C18orf63: variants seen among roughly 807,000 people sequenced by gnomAD.
C18orf63 encodes the protein chromosome 18 open reading frame 63.
Under a neutral mutation model 75.3 loss-of-function variants are expected in C18orf63, and 50 were observed. The ratio of observed to expected loss-of-function variants is 0.66; its 90% CI spans 0.53 to 0.84. C18orf63 has a LOEUF of 0.84. Ranked by LOEUF, C18orf63 falls within the 40% of genes least tolerant of loss-of-function variation. The pLI is 0.00. For missense variants in C18orf63, 732 were observed against 800.2 expected (o/e 0.91, Z 1.03); for synonymous variants, 232 against 267.6 (o/e 0.87, Z 1.30).
At chr18:74,322,197 T>C (rs138913169) in intron 3 of C18orf63, among the ~76,000 whole-genome samples, 24 of 152,358 alleles carry the variant, frequency 1.6e-4, no homozygotes, top group African/African-American at 4.8e-4. Context: ...CCGGATTGCA[T>C]GTTAACAAAT....
In C18orf63 at chr18:74,338,723, G is replaced by A. The variant is rs201160275; in HGVS notation, c.510G>A (p.Glu170=). 2,452 of 1,345,378 alleles carry A rather than the reference G, an allele frequency of 1.8e-3. 1 individual carries two copies. Among genetic ancestry groups the A allele is most frequent in the South Asian group, 6.0e-3 (336 of 56,348 alleles). The allele number at this position is 1,345,378 out of a possible 1,614,324, so 83.3% of individuals were successfully genotyped here. The change falls in exon 8 of 14, where the codon GAG becomes GAA. Residue 170 remains glutamate, a synonymous_variant. Transcript: ENST00000579455. ...TIRLPAPELK[E]FEISQSIIKD... is the part of the protein sequence containing the mutation. The stretch of plus-strand genomic sequence containing the variant: ...CTTATTTCTATTAAAAGCTAAAAGA[G>A]TTTGAGATTTCCCAGAGTATTATAA...
chr18:74,333,114 G>A (rs1984337165), intron 7 of C18orf63, among the ~76,000 whole-genome samples: 4 of 152,184 alleles, frequency 2.6e-5, no homozygotes, highest in Admixed American at 2.0e-4. Context: ...GGGATATATA[G>A]TCATGCTGTT....
intron 13 of C18orf63, among the ~76,000 whole-genome samples, chr18:74,355,210 A>G (rs1649681750): frequency 6.6e-6 from 1 of 152,162 alleles, no homozygotes; most frequent in South Asian, 2.1e-4. Context: ...TCCAACTGCT[A>G]TTTCTTCCTA....
In C18orf63 at chr18:74,356,758, G is replaced by A. The variant is rs1984772740; in HGVS notation, c.*311G>A. 1 of 152,130 alleles carries A rather than the reference G, an allele frequency of 6.6e-6. No individual in the cohort carries two copies. Among genetic ancestry groups the A allele is most frequent in the South Asian group, 2.1e-4 (1 of 4,822 alleles). The allele number at this position is 152,130 out of a possible 1,614,324, so 9.4% of individuals were successfully genotyped here. A position where few individuals can be genotyped will look rare whatever the true frequency, so the allele number is the denominator to read the frequency against. ...ATGATCTTATACAGTAGTTTTGATA[G>A]TTGAAAATATCTTTATTTTGCCCTT... On this transcript the variant is annotated 3_prime_UTR_variant, in exon 14 of 14. Transcript: ENST00000579455.
At chr18:74,335,211 T>C (rs1292227260) in intron 7 of C18orf63, among the ~76,000 whole-genome samples, 1 of 152,188 alleles carries the variant, frequency 6.6e-6, no homozygotes, top group Admixed American at 6.5e-5. Context: ...GAGCATTGAC[T>C]GGAGTGAAAG....
chr18:74,346,155 G>A (rs1984571952), intron 11 of C18orf63, among the ~76,000 whole-genome samples: 1 of 151,970 alleles, frequency 6.6e-6, no homozygotes, highest in African/African-American at 2.4e-5. Context: ...ACTTCAAAAT[G>A]TATTAATTAC....
rs1236241664 is a variant in C18orf63, at chr18:74,354,232, T to C, written c.1965T>C (p.Thr655=). Residue 655 remains threonine, a synonymous_variant, in exon 12 of 14, where the codon ACT becomes ACC. Transcript: ENST00000579455. ...CTTCAAAGAAGCATCATTCCGATAC[T>C]GTGCACTATGGCCAATCCAGTTCTT... is the stretch of plus-strand genomic sequence containing the variant. ...SKTSKKHHSD[T]VHYGQSSSSK... 1 of 1,529,684 alleles carries C rather than the reference T, an allele frequency of 6.5e-7. No homozygotes were observed. The highest frequency in any genetic ancestry group is 8.7e-7 in the Non-Finnish European group (1 of 1,145,252). 94.8% of individuals were successfully genotyped at this position (1,529,684 alleles called of 1,614,324 possible).
rs953038041 is a variant in C18orf63 at position 74,324,168 on chromosome 18, G to C, written c.270+1414G>C. Among the ~76,000 whole-genome samples, 3 of 152,158 alleles carry C rather than the reference G, an allele frequency of 2.0e-5. No homozygotes were observed. In the East Asian group the frequency reaches 5.8e-4, roughly 29 times the overall value. On this transcript the variant is annotated intron_variant, in intron 4 of 13. Coordinates refer to ENST00000579455, the MANE Select transcript of C18orf63 (RefSeq NM_001174123.2). ...AATGACGCGGTACAAAAGCACTCAG[G>C]GAGCCTGTCATATTTGTGATTGTTT...
At chr18:74,334,600 G>A (rs1021496271) in intron 7 of C18orf63, among the ~76,000 whole-genome samples, 2 of 152,006 alleles carry the variant, frequency 1.3e-5, no homozygotes, top group Admixed American at 6.6e-5. Context: ...GTGAGTTTGG[G>A]GTTCTGAGAT....
intron 4 of C18orf63, among the ~76,000 whole-genome samples, chr18:74,327,072 T>A (rs1403311180): frequency 1.3e-5 from 2 of 152,012 alleles, no homozygotes; most frequent in Admixed American, 6.5e-5. Context: ...TTGCCTAGGC[T>A]TTTCCTGGGC....
intron 11 of C18orf63, among the ~76,000 whole-genome samples, chr18:74,352,235 G>T (rs760983564): frequency 1.3e-5 from 2 of 152,118 alleles, no homozygotes; most frequent in Admixed American, 6.5e-5. Context: ...GTTACCAGGG[G>T]CTAGAAGGAA....
chr18:74,340,692 C>T (rs1984465632), intron 8 of C18orf63, among the ~76,000 whole-genome samples: 1 of 151,820 alleles, frequency 6.6e-6, no homozygotes, highest in Admixed American at 6.6e-5. Flanking sequence ...GAAGGAAATC[C>T]TGTCATTTGC....
At chr18:74,339,256 C>G (rs1247806347) in intron 8 of C18orf63, among the ~76,000 whole-genome samples, 1 of 151,898 alleles carries the variant, frequency 6.6e-6, no homozygotes, top group Non-Finnish European at 1.5e-5. Flanking sequence ...TTTTAAATTG[C>G]TTAGGAAAAA....
At chr18:74,326,424 C>T (rs1375850135) in intron 4 of C18orf63, among the ~76,000 whole-genome samples, 1 of 152,182 alleles carries the variant, frequency 6.6e-6, no homozygotes, top group Non-Finnish European at 1.5e-5. Flanking sequence ...CCTTGGGTAG[C>T]TTCCTCACAT....
At chr18:74,348,515 T>G (rs933287611) in intron 11 of C18orf63, among the ~76,000 whole-genome samples, 3 of 149,498 alleles carry the variant, frequency 2.0e-5, no homozygotes, top group African/African-American at 7.3e-5. Flanking sequence ...ATATTAAGCT[T>G]CTGTGAAATA....
At chr18:74,348,800 G>C (rs1984617017) in intron 11 of C18orf63, among the ~76,000 whole-genome samples, 1 of 152,048 alleles carries the variant, frequency 6.6e-6, no homozygotes, top group Non-Finnish European at 1.5e-5. Flanking sequence ...CTCTTTTGTA[G>C]TCTTTTTATA....
intron 6 of C18orf63, 24 bp from the exon 7 acceptor site, chr18:74,330,842 C>T (rs1984292491): frequency 1.1e-6 from 1 of 883,370 alleles, no homozygotes. Context: ...CCAGGTAGTT[C>T]ACAGTTAAAT....
chr18:74,356,115 A>G (rs1180005499), intron 13 of C18orf63, among the ~76,000 whole-genome samples: 1 of 152,194 alleles, frequency 6.6e-6, no homozygotes, highest in African/African-American at 2.4e-5. Context: ...AATAACGAGA[A>G]CATTTTTAAT....
intron 11 of C18orf63, among the ~76,000 whole-genome samples, chr18:74,345,509 T>C (rs1315870033): frequency 6.6e-6 from 1 of 152,162 alleles, no homozygotes; most frequent in East Asian, 1.9e-4. Context: ...AAAGGTTGTT[T>C]TGCATTCACA....
Sources: allele counts gnomAD v4.1 joint callset (sites outside exome capture counted in the v4.1 genomes callset), GRCh38; gene constraint gnomAD v4.1.1; transcripts MANE v1.5; gene names NCBI Gene and HGNC (gene_info 2026-07-23, HGNC 2026-07-21).